Variants in FAIM observed in about 807,000 individuals in gnomAD.
FAIM encodes Fas apoptotic inhibitory molecule, also known as fas apoptotic inhibitory molecule 1.
A neutral mutation model predicts 21.2 loss-of-function variants in FAIM; 14 were observed. The ratio of observed to expected loss-of-function variants is 0.66; its 90% CI spans 0.44 to 1.03. The LOEUF (loss-of-function observed/expected upper bound fraction) is 1.03. Among genes scored for constraint, FAIM ranks in the 50% least tolerant of loss-of-function variants. The pLI, the probability that FAIM is intolerant of heterozygous loss-of-function variation, is 0.00. For missense variants in FAIM, 222 were observed against 247.1 expected, an observed-to-expected ratio of 0.90 and a Z score of 0.68; for synonymous variants, 86 against 80.4, an observed-to-expected ratio of 1.07 and a Z score of -0.37.
chr3:138,621,384 A>C (rs1197841655), intron 2 of FAIM, 23 bp from the exon 3 acceptor site: 1 of 1,611,358 alleles, frequency 6.2e-7, no homozygotes, highest in South Asian at 1.1e-5. Flanking sequence ...GCCTACTATA[A>C]TTGCTTTATT....
In FAIM at chr3:138,619,606, A is replaced by G. The variant is rs534058812; in HGVS notation, c.-16-105A>G. 1.4e-5 allele frequency: 13 copies of G among 912,470 alleles called. No individual in the cohort carries two copies. The African/African-American group carries it at 1.9e-4, about 13-fold the overall frequency. 56.5% of individuals were successfully genotyped at this position (912,470 alleles called of 1,614,324 possible). On this transcript the variant is annotated intron_variant, in intron 1 of 5. Transcript: ENST00000360570. The stretch of plus-strand genomic sequence containing the variant: ...AAACTCCATGTAATTTAATAAATGG[A>G]TTGCAAAATTAGAAAAACCCTTTGT...
rs1389213023 is a variant in FAIM at position 138,609,082 on chromosome 3, T to A, written c.-17+145T>A. ...GGCCCTGCTGCGCCGGCGGCGGCCA[T>A]CTCTGGGCGGCGGCGGCGGGCGGTG... is the stretch of plus-strand genomic sequence containing the variant. On this transcript the variant is annotated intron_variant, in intron 1 of 5. Coordinates refer to ENST00000360570, the MANE Select transcript of FAIM (RefSeq NM_001033031.2). The A allele has an allele frequency of 1.1e-4, 17 of 153,320 alleles. 1 individual carries two copies. The Admixed American group carries it at 1.1e-3, about 10-fold the overall frequency. 9.5% of individuals were successfully genotyped at this position (153,320 alleles called of 1,614,324 possible).
chr3:138,615,276 C>T (rs1318191922), intron 1 of FAIM, among the ~76,000 whole-genome samples: 10 of 152,282 alleles, frequency 6.6e-5, no homozygotes, highest in Admixed American at 2.6e-4. Flanking sequence ...ATCTTAAAGT[C>T]GGAAAATCAT....
chr3:138,626,496 A>G (rs2042940381), intron 4 of FAIM, among the ~76,000 whole-genome samples: 1 of 152,186 alleles, frequency 6.6e-6, no homozygotes, highest in Non-Finnish European at 1.5e-5. Flanking sequence ...TATATTCCGA[A>G]GATCCTTTTA....
chr3:138,613,236 T>G (rs939099639), intron 1 of FAIM, among the ~76,000 whole-genome samples: 6 of 152,070 alleles, frequency 3.9e-5, no homozygotes, highest in Admixed American at 3.9e-4. Flanking sequence ...GCCAGGCTGG[T>G]CTCGGACTCC....
At chr3:138,612,167 C>G (rs1452910232) in intron 1 of FAIM, among the ~76,000 whole-genome samples, 2 of 141,856 alleles carry the variant, frequency 1.4e-5, no homozygotes, top group Non-Finnish European at 3.0e-5. Context: ...GTGGTGCGAT[C>G]TCAGCTCACT....
chr3:138,621,516 C>CG lies in FAIM; in HGVS notation c.155dup (p.Val53SerfsTer46). ...TGAACATGGGACTACATCAGGCAAACGAGTAGTATATGTAGATGGAAAGGT... is the reference window on the plus strand; with the variant it reads ...TGAACATGGGACTACATCAGGCAAACGGAGTAGTATATGTAGATGGAAAGGT... On this transcript the variant is annotated frameshift_variant, in exon 3 of 6. Coordinates refer to ENST00000360570, the MANE Select transcript of FAIM (RefSeq NM_001033031.2). LOFTEE classifies it high-confidence loss of function. 1 of 1,613,382 alleles carries CG rather than the reference C, an allele frequency of 6.2e-7. No homozygotes were observed. The highest frequency in any genetic ancestry group is 8.5e-7 in the Non-Finnish European group (1 of 1,179,756).
chr3:138,627,804 T>C (rs961373265), intron 4 of FAIM, among the ~76,000 whole-genome samples: 3 of 152,042 alleles, frequency 2.0e-5, no homozygotes, highest in Non-Finnish European at 4.4e-5. Context: ...CTAGCGCACC[T>C]CAAAGGCTTT....
chr3:138,622,911 T>C (rs2042903066), intron 4 of FAIM, among the ~76,000 whole-genome samples: 2 of 151,792 alleles, frequency 1.3e-5, no homozygotes, highest in Non-Finnish European at 2.9e-5. Flanking sequence ...TAGTGGCACA[T>C]GCCTGTAATC....
chr3:138,626,485 T>G (rs1442554141), intron 4 of FAIM, among the ~76,000 whole-genome samples: 1 of 152,226 alleles, frequency 6.6e-6, no homozygotes, highest in African/African-American at 2.4e-5. Context: ...TATTCACTTA[T>G]TATATTCCGA....
intron 5 of FAIM, among the ~76,000 whole-genome samples, chr3:138,631,857 C>G (rs977380480): frequency 1.3e-5 from 2 of 152,074 alleles, no homozygotes; most frequent in African/African-American, 4.8e-5. Flanking sequence ...CAGCATACCT[C>G]CCATAAGGAG....
intron 2 of FAIM, 196 bp from the exon 3 acceptor site, chr3:138,621,211 T>C (rs994386710): frequency 1.4e-5 from 8 of 581,850 alleles, no homozygotes; most frequent in Non-Finnish European, 2.1e-5. Flanking sequence ...CCATATATAG[T>C]AGTTGTATCT....
intron 1 of FAIM, among the ~76,000 whole-genome samples, chr3:138,609,532 A>AACACTC (rs750653015): frequency 1.5e-4 from 3 of 20,380 alleles, no homozygotes; most frequent in South Asian, 1.6e-3. Flanking sequence ...AAAGTGCTGA[A>AACACTC]ACTCTCTCTC....
intron 4 of FAIM, among the ~76,000 whole-genome samples, chr3:138,627,323 A>T (rs2042949910): frequency 6.6e-6 from 1 of 151,406 alleles, no homozygotes; most frequent in Admixed American, 6.6e-5. Flanking sequence ...CTGGGATTAC[A>T]GGCGCCCGCC....
At chr3:138,617,370 A>G (rs971167903) in intron 1 of FAIM, among the ~76,000 whole-genome samples, 3 of 145,214 alleles carry the variant, frequency 2.1e-5, no homozygotes, top group African/African-American at 7.8e-5. Context: ...CTTATTTTTT[A>G]TATTATATGT....
chr3:138,616,484 G>A (rs1560494307), intron 1 of FAIM, among the ~76,000 whole-genome samples: 2 of 151,982 alleles, frequency 1.3e-5, no homozygotes, highest in African/African-American at 4.8e-5. Flanking sequence ...AGAATCGAGC[G>A]ATCCTCCCTC....
chr3:138,616,697 A>G (rs1349974560), intron 1 of FAIM, among the ~76,000 whole-genome samples: 2 of 152,196 alleles, frequency 1.3e-5, no homozygotes, highest in Admixed American at 6.5e-5. Flanking sequence ...ATTATTAACC[A>G]TTTATAAAAA....
At position 138,633,012 on chromosome 3, in the gene FAIM, A is replaced by G; in HGVS notation, c.539A>G (p.Lys180Arg). 6.2e-7 allele frequency: 1 copy of G among 1,613,976 alleles called. No homozygotes were observed. The highest frequency in any genetic ancestry group is 8.5e-7 in the Non-Finnish European group (1 of 1,179,922). ...DCYIKAVSSGKRKEGIIHTLI... is the reference protein window; with the variant it reads ...DCYIKAVSSGRRKEGIIHTLI... Reference sequence around the variant, plus strand: ...TACATAAAGGCTGTCAGTAGTGGGAAGCGGAAAGAAGGGATTATTCATACT... The same window carrying G: ...TACATAAAGGCTGTCAGTAGTGGGAGGCGGAAAGAAGGGATTATTCATACT... The change falls in exon 6 of 6, where the codon AAG (lysine) becomes AGG (arginine). Residue 180 changes from lysine (K) to arginine (R), a missense_variant. Transcript: ENST00000360570.
rs1406044528 is a variant in FAIM at position 138,610,698 on chromosome 3, T to C, written c.-17+1761T>C. On this transcript the variant is annotated intron_variant, in intron 1 of 5. Transcript: ENST00000360570. The stretch of plus-strand genomic sequence containing the variant: ...CCCGGGTTCAAGCGATTCTTGTGCC[T>C]CAGCCTCCGGAGTAGCTGGGATTTA... The C allele has an allele frequency of 1.4e-5, 4 of 283,206 alleles. No homozygotes were observed. In the East Asian group the frequency reaches 3.5e-4, roughly 25 times the overall value. The allele number at this position is 283,206 out of a possible 1,614,324, so 17.5% of individuals were successfully genotyped here.
Sources: gnomAD v4.1 joint callset for allele counts (sites outside exome capture counted in the v4.1 genomes callset) on GRCh38, gnomAD v4.1.1 for gene constraint, MANE v1.5 for transcripts, NCBI Gene and HGNC (gene_info 2026-07-23, HGNC 2026-07-21) for gene names.